The following OR10A3 variants were observed in gnomAD, a reference collection of about 807,000 sequenced individuals.
The protein encoded by OR10A3 is olfactory receptor family 10 subfamily A member 3.
In OR10A3, 1 loss-of-function variant was observed where a neutral mutation model predicts 1.5. That is an observed-to-expected ratio of 0.66 (90% CI 0.23 to 3.11). The LOEUF is 3.11. OR10A3 is among the 30% of genes most tolerant of loss of function. OR10A3 has a pLI of 0.21. For synonymous variants in OR10A3, 145 were observed against 143.7 expected (o/e 1.01, Z -0.06); for missense variants, 398 against 369.7 (o/e 1.08, Z -0.63).
chr11:7,940,845 T>C (rs1286622667), intron 1 of OR10A3, among the ~76,000 whole-genome samples: 2 of 152,116 alleles, frequency 1.3e-5, no homozygotes, highest in African/African-American at 4.8e-5. Context: ...AGTACTAGCA[T>C]GGACCTCCAA....
chr11:7,938,649 C>G lies in OR10A3; in HGVS notation c.872G>C (p.Ser291Thr). The G allele has an allele frequency of 1.2e-6, 2 of 1,614,154 alleles. No homozygotes were observed. The highest frequency in any genetic ancestry group is 1.7e-6 in the Non-Finnish European group (2 of 1,180,030). ...LTPLLNPLIY[S>T]LRNSEMKRTL... ...CCTCTTCATCTCACTGTTTCGTAAG[C>G]TATAGATGAGCGGATTGAGCAGAGG... Residue 291 changes from serine (S) to threonine (T), a missense_variant, in exon 2 of 2, where the codon AGC (serine) becomes ACC (threonine). Transcript: ENST00000642047.
At position 7,939,472 on chromosome 11, in the gene OR10A3, A is replaced by G; in HGVS notation, c.49T>C (p.Phe17Leu). 1 of 1,587,850 alleles carries G rather than the reference A, an allele frequency of 6.3e-7. No homozygotes were observed. Residue 17 changes from phenylalanine (F) to leucine (L), a missense_variant, in exon 2 of 2, where the codon TTT becomes CTT. Transcript: ENST00000642047. ...SCVVEFILLG[F>L]SNFPELQVQL... is the part of the protein sequence containing the mutation. ...ACCTGGAGCTCAGGAAAGTTAGAAA[A>G]GCCCAGGAGGATGAATTCAACCACA...
At chr11:7,939,728 T>C (rs1589984569) in intron 1 of OR10A3, 30 bp from the exon 2 acceptor site, 1 of 451,652 alleles carries the variant, frequency 2.2e-6, no homozygotes, top group Non-Finnish European at 3.9e-6. Flanking sequence ...AAGTGAAGTA[T>C]TTTGGTTCAG....
At position 7,939,535 on chromosome 11, in the gene OR10A3, CTT is replaced by C; in HGVS notation, c.-17_-16del. On this transcript the variant is annotated 5_prime_UTR_variant, in exon 2 of 2. The change creates a new upstream start codon in the 5' untranslated region. Transcript: ENST00000642047. ...TGTCTTTTCATTTCAGTAGTTGAAA[CTT>C]ATATTGTTTTTATGGACCTGGTATA... The C allele has an allele frequency of 6.5e-7, 1 of 1,532,966 alleles. No individual in the cohort carries two copies. Among genetic ancestry groups the C allele is most frequent in the South Asian group, 1.3e-5 (1 of 76,526 alleles). 95.0% of individuals were successfully genotyped at this position (1,532,966 alleles called of 1,614,324 possible).
At chr11:7,941,469 C>T (rs1047000889) in intron 1 of OR10A3, 118 bp downstream of exon 1, 2 of 152,122 alleles carry the variant, frequency 1.3e-5, no homozygotes, top group Admixed American at 6.6e-5. Context: ...GCTTTCACCC[C>T]GCTCCCTCAA....
chr11:7,938,946 GT>G lies in OR10A3; in HGVS notation c.574del (p.Thr192ProfsTer14). On this transcript the variant is annotated frameshift_variant, in exon 2 of 2. Transcript: ENST00000642047. LOFTEE classifies it high-confidence loss of function. ...PPVLELVCADTFLFEIYAFTG... is the reference protein window; with the variant it reads ...PPVLELVCADXFLFEIYAFTG... The stretch of plus-strand genomic sequence containing the variant: ...GAAGGCATAGATTTCAAATAAGAAG[GT>G]GTCTGCACACACAAGCTCTAGTACC... The G allele has an allele frequency of 6.2e-7, 1 of 1,614,092 alleles. No homozygotes were observed. The highest frequency in any genetic ancestry group is 8.5e-7 in the Non-Finnish European group (1 of 1,180,004).
chr11:7,941,094 A>AG (rs1941436426), intron 1 of OR10A3, among the ~76,000 whole-genome samples: 1 of 151,770 alleles, frequency 6.6e-6, no homozygotes, highest in African/African-American at 2.4e-5. Flanking sequence ...TAGACTTGGC[A>AG]GGAAAAAAAA....
In OR10A3 at chr11:7,939,165, G is replaced by A. The variant is rs1484443251; in HGVS notation, c.356C>T (p.Ala119Val). The change falls in exon 2 of 2, where the codon GCT becomes GTT. Residue 119 changes from alanine (A) to valine (V), a missense_variant. Physicochemically the swap from Ala to Val is moderately conservative, Grantham distance 64. Coordinates refer to ENST00000642047, the MANE Select transcript of OR10A3 (RefSeq NM_001003745.2). ...GTECFLLGAM[A>V]YDRFAAICHP... ...GCAAATTGCAGCAAATCGGTCATAA[G>A]CCATCGCTCCCAGGAGAAAACATTC... The A allele has an allele frequency of 6.2e-7, 1 of 1,614,060 alleles. No homozygotes were observed. The highest frequency in any genetic ancestry group is 1.3e-5 in the African/African-American group (1 of 74,916).
Position 7,938,546 on chromosome 11 carries a change from G to T in OR10A3, c.*30C>A. ...TTTAAATAGAGTTCACTCAGGCAGT[G>T]GCCAAATCTTACTCAGCTTCTCAAC... is the stretch of plus-strand genomic sequence containing the variant. On this transcript the variant is annotated 3_prime_UTR_variant, in exon 2 of 2. Transcript: ENST00000642047. The T allele has an allele frequency of 6.5e-7, 1 of 1,528,452 alleles. No individual in the cohort carries two copies. The highest frequency in any genetic ancestry group is 8.9e-7 in the Non-Finnish European group (1 of 1,123,854). The allele number at this position is 1,528,452 out of a possible 1,614,324, so 94.7% of individuals were successfully genotyped here.
At chr11:7,940,585 C>T (rs928794824) in intron 1 of OR10A3, among the ~76,000 whole-genome samples, 4 of 152,006 alleles carry the variant, frequency 2.6e-5, no homozygotes, top group African/African-American at 9.7e-5. Flanking sequence ...ACCCTCCCTC[C>T]GAGAAACTTC....
In OR10A3 at chr11:7,939,517, T is replaced by C. The variant is rs201019339; in HGVS notation, c.4A>G (p.Lys2Glu). 6.4e-7 allele frequency: 1 copy of C among 1,556,604 alleles called. No individual in the cohort carries two copies. Among genetic ancestry groups the C allele is most frequent in the Admixed American group, 2.1e-5 (1 of 46,968 alleles). Residue 2 changes from lysine (K) to glutamate (E), a missense_variant, in exon 2 of 2, where the codon AAA becomes GAA. Coordinates refer to ENST00000642047, the MANE Select transcript of OR10A3 (RefSeq NM_001003745.2). M[K>E]RQNQSCVVEF... is the part of the protein sequence containing the mutation. Reference sequence around the variant, plus strand: ...ACCACACAGCTTTGATTTTGTCTTTTCATTTCAGTAGTTGAAACTTATATT... The same window carrying C: ...ACCACACAGCTTTGATTTTGTCTTTCCATTTCAGTAGTTGAAACTTATATT...
rs1303336544 is a variant in OR10A3 at position 7,937,363 on chromosome 11, T to TG, written c.*1212dup. 1 of 152,186 alleles carries TG rather than the reference T, an allele frequency of 6.6e-6. No homozygotes were observed. The highest frequency in any genetic ancestry group is 1.5e-5 in the Non-Finnish European group (1 of 68,036). 9.4% of individuals were successfully genotyped at this position (152,186 alleles called of 1,614,324 possible). On this transcript the variant is annotated 3_prime_UTR_variant, in exon 2 of 2. Transcript: ENST00000642047. Reference sequence around the variant, plus strand: ...GAGGGAGGTAACCTGGGAAGATAGGTGACCGGATATCTTGTAGCTATCTAT... The same window carrying TG: ...GAGGGAGGTAACCTGGGAAGATAGGTGGACCGGATATCTTGTAGCTATCTAT...
In OR10A3 at chr11:7,938,456, T is replaced by C; in HGVS notation, c.*120A>G. On this transcript the variant is annotated 3_prime_UTR_variant, in exon 2 of 2. Coordinates refer to ENST00000642047, the MANE Select transcript of OR10A3 (RefSeq NM_001003745.2). ...TTCTTTATTGAGATACGTTTTCCAA[T>C]AAAAAAACTCAACAAACTTACATAG... The C allele has an allele frequency of 1.3e-6, 1 of 742,574 alleles. No homozygotes were observed. The highest frequency in any genetic ancestry group is 2.1e-6 in the Non-Finnish European group (1 of 465,278). The allele number at this position is 742,574 out of a possible 1,614,324, so 46.0% of individuals were successfully genotyped here.
rs764100610 is a variant in OR10A3 at position 7,938,695 on chromosome 11, A to G, written c.826T>C (p.Leu276=). The change falls in exon 2 of 2, where the codon TTG becomes CTG. Residue 276 remains leucine (L), a synonymous_variant. Coordinates refer to ENST00000642047, the MANE Select transcript of OR10A3 (RefSeq NM_001003745.2). ...YSPETKKLIS[L]AYTLLTPLLN... The stretch of plus-strand genomic sequence containing the variant: ...AGAGGGGTAAGCAACGTGTAAGCCA[A>G]TGAGATCAGTTTCTTGGTTTCGGGT... The G allele has an allele frequency of 6.2e-7, 1 of 1,614,082 alleles. No individual in the cohort carries two copies. The highest frequency in any genetic ancestry group is 8.5e-7 in the Non-Finnish European group (1 of 1,180,042).
rs199633907 is a variant in OR10A3 at position 7,938,558 on chromosome 11, C to A, written c.*18G>T. On this transcript the variant is annotated 3_prime_UTR_variant, in exon 2 of 2. Transcript: ENST00000642047. ...TCACTCAGGCAGTGGCCAAATCTTA[C>A]TCAGCTTCTCAACACAATCAGAATG... The A allele has an allele frequency of 5.0e-5, 78 of 1,570,904 alleles. No individual in the cohort carries two copies. The Admixed American group carries it at 9.0e-4, about 18-fold the overall frequency.
Position 7,938,531 on chromosome 11 carries a change from G to C in OR10A3, c.*45C>G. The stretch of plus-strand genomic sequence containing the variant: ...TCACCCTTTATTAAATTTAAATAGA[G>C]TTCACTCAGGCAGTGGCCAAATCTT... On this transcript the variant is annotated 3_prime_UTR_variant, in exon 2 of 2. Transcript: ENST00000642047. 1 of 1,395,636 alleles carries C rather than the reference G, an allele frequency of 7.2e-7. No homozygotes were observed. Among genetic ancestry groups the C allele is most frequent in the Non-Finnish European group, 9.8e-7 (1 of 1,017,334 alleles). 86.5% of individuals were successfully genotyped at this position (1,395,636 alleles called of 1,614,324 possible). A position where few individuals can be genotyped will look rare whatever the true frequency, so the allele number is the denominator to read the frequency against.
chr11:7,940,588 G>A (rs1941428849), intron 1 of OR10A3, among the ~76,000 whole-genome samples: 1 of 151,760 alleles, frequency 6.6e-6, no homozygotes, highest in South Asian at 2.1e-4. Flanking sequence ...CTCCCTCCGA[G>A]AAACTTCAGA....
Position 7,938,973 on chromosome 11 carries a change from G to T in OR10A3, c.548C>A (p.Pro183Gln), listed in dbSNP as rs200724726. ...GTCTGCACACACAAGCTCTAGTACC[G>T]GGGGAGTCTCACAGAAGAGATGATT... ...EINHLFCETP[P>Q]VLELVCADTF... The change falls in exon 2 of 2, where the codon CCG becomes CAG. Residue 183 changes from proline (P) to glutamine (Q), a missense_variant. Pro to Gln is a moderately conservative substitution (Grantham distance 76, BLOSUM62 -1). Transcript: ENST00000642047. 2 of 1,613,958 alleles carry T rather than the reference G, an allele frequency of 1.2e-6. No individual in the cohort carries two copies. Among genetic ancestry groups the T allele is most frequent in the African/African-American group, 2.7e-5 (2 of 74,910 alleles).
chr11:7,939,309 A>T lies in OR10A3; in HGVS notation c.212T>A (p.Val71Glu), dbSNP rs141059173. The change falls in exon 2 of 2, where the codon GTG (valine) becomes GAG (glutamate). Residue 71 changes from valine (V) to glutamate (E), a missense_variant. Val to Glu is a moderately radical substitution (Grantham distance 121). Transcript: ENST00000642047. Reference protein sequence around the residue: ...LFLLNLSVVEVSFSAVITPEM... With the variant: ...LFLLNLSVVEESFSAVITPEM... ...AGGCGTAATGACTGCACTGAAACTC[A>T]CCTCCACCACAGATAGGTTCAGGAG... The T allele has an allele frequency of 6.2e-6, 10 of 1,613,924 alleles. No homozygotes were observed. In the African/African-American group the frequency reaches 1.3e-4, roughly 22 times the overall value.
Sources: allele counts gnomAD v4.1 joint callset (sites outside exome capture counted in the v4.1 genomes callset), GRCh38; gene constraint gnomAD v4.1.1; transcripts MANE v1.5; gene names NCBI Gene and HGNC (gene_info 2026-07-23, HGNC 2026-07-21).